Variants in ITK observed in about 807,000 individuals in gnomAD.
ITK encodes the protein IL2 inducible T cell kinase, also known as tyrosine-protein kinase ITK/TSK.
A neutral mutation model predicts 87.6 loss-of-function variants in ITK; 45 were observed. That is an observed-to-expected ratio of 0.51 (90% CI 0.40 to 0.66). ITK has a LOEUF of 0.66. Ranked by LOEUF, ITK falls within the 30% of genes least tolerant of loss-of-function variation. ITK has a pLI of 0.00. For synonymous variants in ITK, 303 were observed against 273.6 expected (o/e 1.11, Z -1.06); for missense variants, 605 against 766.3 (o/e 0.79, Z 2.48).
chr5:157,241,463 C>G, intron 10 of ITK, 183 bp from the exon 11 acceptor site: 1 of 596,976 alleles, frequency 1.7e-6, no homozygotes, highest in Non-Finnish European at 3.0e-6. Context: ...ACCACTTGCC[C>G]ATCTGTGCTT....
At chr5:157,222,733 G>A (rs908298846) in intron 5 of ITK, 130 bp from the exon 6 acceptor site, 22 of 819,194 alleles carry the variant, frequency 2.7e-5, no homozygotes, top group Non-Finnish European at 3.1e-5. Flanking sequence ...CATGTTCAGC[G>A]CTGTAACTCT....
chr5:157,203,774 A>G, intron 1 of ITK, among the ~76,000 whole-genome samples: 1 of 152,230 alleles, frequency 6.6e-6, no homozygotes, highest in East Asian at 1.9e-4. Context: ...ACGTTTGCAG[A>G]GGCTTTTGCG....
intron 1 of ITK, among the ~76,000 whole-genome samples, chr5:157,207,786 A>G (rs577657024): frequency 2.6e-4 from 39 of 152,256 alleles, no homozygotes; most frequent in Non-Finnish European, 5.0e-4. Flanking sequence ...GTAATTTCCA[A>G]ATGAAGACAA....
intron 1 of ITK, among the ~76,000 whole-genome samples, chr5:157,207,373 G>A (rs1041102529): frequency 5.9e-5 from 6 of 101,644 alleles, no homozygotes; most frequent in South Asian, 4.2e-4. Flanking sequence ...ATCTAGATAC[G>A]TCTCTTTTTT....
chr5:157,196,126 A>C (rs552034542), intron 1 of ITK, among the ~76,000 whole-genome samples: 2 of 152,346 alleles, frequency 1.3e-5, no homozygotes, highest in African/African-American at 4.8e-5. Context: ...ACAAAAAATT[A>C]TTCAGCCCAA....
At chr5:157,204,390 A>G (rs1240420798) in intron 1 of ITK, among the ~76,000 whole-genome samples, 7 of 151,768 alleles carry the variant, frequency 4.6e-5, no homozygotes. Context: ...GTGAAACCCC[A>G]TCTCTACTAA....
intron 8 of ITK, among the ~76,000 whole-genome samples, chr5:157,236,473 C>A (rs966694186): frequency 4.6e-5 from 7 of 152,014 alleles, no homozygotes; most frequent in African/African-American, 7.2e-5. Flanking sequence ...TGCCCACAGG[C>A]AAACCATCAT....
chr5:157,204,700 A>G (rs1017297434), intron 1 of ITK, among the ~76,000 whole-genome samples: 1 of 152,186 alleles, frequency 6.6e-6, no homozygotes, highest in African/African-American at 2.4e-5. Context: ...CTCCATCTCA[A>G]AAAAACAAAA....
At chr5:157,193,713 T>A (rs1348541299) in intron 1 of ITK, among the ~76,000 whole-genome samples, 2 of 152,166 alleles carry the variant, frequency 1.3e-5, no homozygotes, top group Admixed American at 1.3e-4. Context: ...TTGGGTCTGA[T>A]AAGTCTTTTA....
chr5:157,193,296 A>G (rs1753787775), intron 1 of ITK, among the ~76,000 whole-genome samples: 2 of 152,216 alleles, frequency 1.3e-5, no homozygotes, highest in African/African-American at 4.8e-5. Context: ...GAGATTAGCC[A>G]AACATGGAAA....
chr5:157,223,424 G>GTACAGATTGATCAATCTGTAC (rs1410457326), intron 6 of ITK, among the ~76,000 whole-genome samples: 210 of 152,336 alleles, frequency 1.4e-3, no homozygotes, highest in African/African-American at 4.9e-3. Flanking sequence ...TGTGTGTATA[G>GTACAGATTGATCAATCTGTAC]AGATGGTACA....
At chr5:157,243,491 A>G in intron 11 of ITK, 132 bp from the exon 12 acceptor site, 1 of 784,476 alleles carries the variant, frequency 1.3e-6, no homozygotes, top group Admixed American at 1.9e-5. Flanking sequence ...GGAAAAAGAT[A>G]ATTTATTTGC....
At chr5:157,244,008 C>A in intron 12 of ITK, 2 of 669,358 alleles carry the variant, frequency 3.0e-6, no homozygotes, top group South Asian at 3.5e-5. Context: ...TCAGCTCCTA[C>A]CCATCTCTCC....
intron 1 of ITK, 130 bp from the exon 2 acceptor site, chr5:157,208,759 A>T (rs998775019): frequency 1.4e-6 from 1 of 708,602 alleles, no homozygotes; most frequent in Non-Finnish European, 2.5e-6. Context: ...AGTTTTGGAT[A>T]TTTGGTTTGG....
Position 157,253,930 on chromosome 5 carries a change from A to T in ITK, c.*1252A>T, listed in dbSNP as rs761944107. On this transcript the variant is annotated 3_prime_UTR_variant, in exon 17 of 17. Coordinates refer to ENST00000422843, the MANE Select transcript of ITK (RefSeq NM_005546.4). ...AGACTTCCCTGCAAAATCTCTGTTCACCCTGGGTTCACATCCCCATGAGGT... is the reference window on the plus strand; with the variant it reads ...AGACTTCCCTGCAAAATCTCTGTTCTCCCTGGGTTCACATCCCCATGAGGT... 1 of 221,984 alleles carries T rather than the reference A, an allele frequency of 4.5e-6. No homozygotes were observed. The highest frequency in any genetic ancestry group is 5.8e-5 in the Admixed American group (1 of 17,366). The allele number at this position is 221,984 out of a possible 1,614,324, so 13.8% of individuals were successfully genotyped here. A position where few individuals can be genotyped will look rare whatever the true frequency, so the allele number is the denominator to read the frequency against.
chr5:157,209,107 A>ACG, intron 2 of ITK, 114 bp downstream of exon 2: 1 of 755,432 alleles, frequency 1.3e-6, no homozygotes, highest in Middle Eastern at 2.3e-4. Context: ...AGGTTGAGGC[A>ACG]GGCAGATCAC....
At chr5:157,219,498 C>T (rs1754370475) in intron 5 of ITK, among the ~76,000 whole-genome samples, 1 of 152,154 alleles carries the variant, frequency 6.6e-6, no homozygotes, top group African/African-American at 2.4e-5. Flanking sequence ...ATGCTTCTTC[C>T]TGAAGAATGA....
intron 12 of ITK, chr5:157,244,044 C>T: frequency 1.5e-6 from 1 of 668,836 alleles, no homozygotes; most frequent in Non-Finnish European, 2.7e-6. Flanking sequence ...GCCAGCCACA[C>T]TGGCCTCTGC....
At chr5:157,211,903 G>C (rs1754198475) in intron 3 of ITK, among the ~76,000 whole-genome samples, 2 of 152,204 alleles carry the variant, frequency 1.3e-5, no homozygotes. Context: ...GCTGATGTGA[G>C]CAAAGTCCTA....
Sources: gnomAD v4.1 joint callset for allele counts (sites outside exome capture counted in the v4.1 genomes callset) on GRCh38, gnomAD v4.1.1 for gene constraint, MANE v1.5 for transcripts, NCBI Gene and HGNC (gene_info 2026-07-23, HGNC 2026-07-21) for gene names.